The following COPG1 variants were observed in gnomAD, a reference collection of about 807,000 sequenced individuals.
COPG1 encodes the protein coat protein complex I subunit gamma 1.
COPG1 carries 29 observed loss-of-function variants against 102.8 expected under a neutral mutation model. That is an observed-to-expected ratio of 0.28 (90% CI 0.21 to 0.38). The LOEUF (loss-of-function observed/expected upper bound fraction) is 0.38, where lower values mean the gene tolerates loss of function less well. Among genes scored for constraint, COPG1 ranks in the 10% least tolerant of loss-of-function variants. COPG1 has a pLI of 1.00. For synonymous variants in COPG1, 406 were observed against 421.6 expected (o/e 0.96, Z 0.45); for missense variants, 875 against 1,132.7 (o/e 0.77, Z 3.27).
chr3:129,252,919 C>T lies in COPG1; in HGVS notation c.287C>T (p.Ser96Phe). 1 of 1,614,166 alleles carries T rather than the reference C, an allele frequency of 6.2e-7. No homozygotes were observed. Among genetic ancestry groups the T allele is most frequent in the Non-Finnish European group, 8.5e-7 (1 of 1,180,026 alleles). The stretch of plus-strand genomic sequence containing the variant: ...TGCTACTTGACCATCAAGGAGATGT[C>T]TTGCATTGCAGAGGATGTCATCATT... Reference protein sequence around the residue: ...RMCYLTIKEMSCIAEDVIIVT... With the variant: ...RMCYLTIKEMFCIAEDVIIVT... Residue 96 changes from serine (S) to phenylalanine (F), a missense_variant, in exon 5 of 24, where the codon TCT becomes TTT. Physicochemically the swap from Ser to Phe is radical, Grantham distance 155 (BLOSUM62 -2). Transcript: ENST00000314797.
At chr3:129,259,823 C>T (rs1454816289) in intron 10 of COPG1, among the ~76,000 whole-genome samples, 2 of 152,176 alleles carry the variant, frequency 1.3e-5, no homozygotes, top group Non-Finnish European at 2.9e-5. Context: ...CTTTGTTCTT[C>T]AGCACTTGGT....
rs771141897 is a variant in COPG1, at chr3:129,272,330, T to G, written c.2073T>G (p.Cys691Trp). Residue 691 changes from cysteine (C) to tryptophan (W), a missense_variant, in exon 20 of 24, where the codon TGT (cysteine) becomes TGG (tryptophan). Transcript: ENST00000314797. ...MEPTEAYEVL[C>W]YVPARSLPYN... ...CCACTGAGGCCTATGAGGTGCTCTG[T>G]TACGTGCCTGCCCGGAGCCTGCCCT... 3 of 1,614,132 alleles carry G rather than the reference T, an allele frequency of 1.9e-6. No individual in the cohort carries two copies. The South Asian group carries it at 3.3e-5, about 18-fold the overall frequency.
At chr3:129,263,495 G>A (rs182287488) in intron 12 of COPG1, among the ~76,000 whole-genome samples, 220 of 152,308 alleles carry the variant, frequency 1.4e-3, no homozygotes, top group African/African-American at 5.1e-3. Flanking sequence ...AAGAGACTGT[G>A]AGAAGAGAAG....
intron 11 of COPG1, 27 bp from the exon 12 acceptor site, chr3:129,260,592 C>A: frequency 6.2e-7 from 1 of 1,610,138 alleles, no homozygotes; most frequent in South Asian, 1.1e-5. Context: ...GGTTCCTGCC[C>A]TCTCTGTCAC....
chr3:129,277,400 C>T lies in COPG1; in HGVS notation c.2601C>T (p.Asp867=), dbSNP rs142227526. The T allele has an allele frequency of 7.9e-4, 1,274 of 1,613,894 alleles. No individual in the cohort carries two copies. Among genetic ancestry groups the T allele is most frequent in the Admixed American group, 1.7e-3 (102 of 60,004 alleles). Residue 867 remains aspartate, a synonymous_variant, in exon 24 of 24, where the codon GAC becomes GAT. Coordinates refer to ENST00000314797, the MANE Select transcript of COPG1 (RefSeq NM_016128.4). ...GAAGTTTGGAGGAGCTGCCAGTAGA[C>T]ATCATCTTGGCATCTGTGGGATAAG... ...TARSLEELPV[D]IILASVG
Position 129,249,664 on chromosome 3 carries a change from G to A in COPG1, c.-46G>A. 1 of 1,549,398 alleles carries A rather than the reference G, an allele frequency of 6.5e-7. No homozygotes were observed. The highest frequency in any genetic ancestry group is 2.0e-5 in the Admixed American group (1 of 50,950). On this transcript the variant is annotated 5_prime_UTR_variant, in exon 1 of 24. Transcript: ENST00000314797. ...CTGTGGCACCGCTACTCCGTGCCGC[G>A]CCCGTCGAGCATTGCGTTGCTGCAT...
intron 7 of COPG1, among the ~76,000 whole-genome samples, chr3:129,255,399 G>T (rs902338825): frequency 3.3e-5 from 5 of 151,900 alleles, no homozygotes; most frequent in Admixed American, 3.3e-4. Flanking sequence ...GGCTGGTCTT[G>T]AACTACAGAC....
chr3:129,252,987 A>G, intron 5 of COPG1, 32 bp downstream of exon 5: 1 of 1,588,264 alleles, frequency 6.3e-7, no homozygotes, highest in East Asian at 2.2e-5. Flanking sequence ...GGCTCTTCTG[A>G]TGGGTTCCAT....
At chr3:129,251,666 G>A (rs1411489582) in intron 2 of COPG1, among the ~76,000 whole-genome samples, 2 of 150,246 alleles carry the variant, frequency 1.3e-5, no homozygotes, top group African/African-American at 4.9e-5. Context: ...GATTATAAGC[G>A]TGAGCCACCG....
intron 8 of COPG1, among the ~76,000 whole-genome samples, chr3:129,256,543 T>G (rs886632553): frequency 3.9e-5 from 6 of 152,252 alleles, no homozygotes; most frequent in African/African-American, 1.4e-4. Flanking sequence ...CACTTTACTC[T>G]TCCTCAGTGA....
chr3:129,262,173 G>T (rs1168234895), intron 12 of COPG1, among the ~76,000 whole-genome samples: 1 of 151,994 alleles, frequency 6.6e-6, no homozygotes. Flanking sequence ...CAGTGCTTTG[G>T]GAGGCCAAGG....
chr3:129,257,885 C>T (rs772617478), intron 10 of COPG1, 25 bp downstream of exon 10: 15 of 1,609,242 alleles, frequency 9.3e-6, no homozygotes, highest in South Asian at 3.3e-5. Flanking sequence ...CTTCACCCAG[C>T]CTCACATGTT....
chr3:129,261,460 C>T (rs1939923750), intron 12 of COPG1, among the ~76,000 whole-genome samples: 1 of 152,058 alleles, frequency 6.6e-6, no homozygotes, highest in African/African-American at 2.4e-5. Context: ...CATGTAAGGC[C>T]CATGGTCAGG....
rs908127846 is a variant in COPG1, at chr3:129,271,714, A to G, written c.1844-53A>G. Reference sequence around the variant, plus strand: ...CATGGGAATTTATTAGAAACCATCAACAAGTTGGTCTGGGGATCGAGAAGC... The same window carrying G: ...CATGGGAATTTATTAGAAACCATCAGCAAGTTGGTCTGGGGATCGAGAAGC... On this transcript the variant is annotated intron_variant, in intron 18 of 23. Coordinates refer to ENST00000314797, the MANE Select transcript of COPG1 (RefSeq NM_016128.4). The surrounding 1 kb of genome is among the most constrained non-coding windows in gnomAD (Gnocchi z 4.7). 4 of 1,603,558 alleles carry G rather than the reference A, an allele frequency of 2.5e-6. No homozygotes were observed. The highest frequency in any genetic ancestry group is 1.1e-5 in the South Asian group (1 of 89,666).
At chr3:129,274,813 C>CG in intron 21 of COPG1, 25 bp from the exon 22 acceptor site, 1 of 1,597,292 alleles carries the variant, frequency 6.3e-7, no homozygotes, top group Non-Finnish European at 8.5e-7. Flanking sequence ...AGATGGGTGC[C>CG]TGATTTCTAC....
chr3:129,252,839 G>A (rs780704535), intron 4 of COPG1, 37 bp from the exon 5 acceptor site: 14 of 1,606,574 alleles, frequency 8.7e-6, no homozygotes, highest in Admixed American at 1.7e-5. Flanking sequence ...CCCTTGGTGA[G>A]CCCGGGCTGA....
intron 2 of COPG1, 137 bp from the exon 3 acceptor site, chr3:129,252,144 A>T (rs768492850): frequency 2.4e-5 from 15 of 631,866 alleles, no homozygotes; most frequent in Middle Eastern, 5.1e-4. Context: ...CCCTTTCCTT[A>T]TGAAAATAAG....
intron 21 of COPG1, among the ~76,000 whole-genome samples, chr3:129,273,618 C>T (rs756087537): frequency 3.3e-5 from 5 of 152,178 alleles, no homozygotes; most frequent in African/African-American, 7.2e-5. Context: ...TGACTTTTCA[C>T]TCCTTTAATG....
Position 129,275,642 on chromosome 3 carries a change from T to G in COPG1, c.2494+350T>G, listed in dbSNP as rs567194941. 2.3e-4 allele frequency among the ~76,000 whole-genome samples: 35 copies of G among 152,316 alleles called. No homozygotes were observed. In the East Asian group the frequency reaches 6.7e-3, roughly 29 times the overall value. ...CCTCCGATTTGCTTTTCACTTTACATTGCATCTTAGAGATCTTCCCCGTCA... is the reference window on the plus strand; with the variant it reads ...CCTCCGATTTGCTTTTCACTTTACAGTGCATCTTAGAGATCTTCCCCGTCA... On this transcript the variant is annotated intron_variant, in intron 23 of 23. Transcript: ENST00000314797. The surrounding 1 kb of genome is among the most constrained non-coding windows in gnomAD (Gnocchi z 5.0).
Sources: gnomAD v4.1 joint callset for allele counts (sites outside exome capture counted in the v4.1 genomes callset) on GRCh38, gnomAD v4.1.1 for gene constraint, Gnocchi (gnomAD v3.1) non-coding constraint, MANE v1.5 for transcripts, NCBI Gene and HGNC (gene_info 2026-07-23, HGNC 2026-07-21) for gene names.